The following PRDM5 variants were observed in gnomAD, a reference collection of about 807,000 sequenced individuals.
PRDM5 encodes PR domain zinc finger protein 5.
Under a neutral mutation model 81.2 loss-of-function variants are expected in PRDM5, and 56 were observed. The observed-to-expected ratio is 0.69, with a 90% CI of 0.56 to 0.86. The LOEUF (loss-of-function observed/expected upper bound fraction) is 0.86, where lower values mean the gene tolerates loss of function less well. PRDM5 is among the 40% of genes least tolerant of loss of function. The pLI is 0.00. For synonymous variants in PRDM5, 267 were observed against 256.4 expected, an observed-to-expected ratio of 1.04 and a Z score of -0.39; for missense variants, 697 against 770.1, an observed-to-expected ratio of 0.91 and a Z score of 1.12.
intron 3 of PRDM5, among the ~76,000 whole-genome samples, chr4:120,832,344 G>A (rs1756818754): frequency 6.6e-6 from 1 of 152,030 alleles, no homozygotes; most frequent in African/African-American, 2.4e-5. Flanking sequence ...CAGAGTAGGG[G>A]AAACTGTCCC....
At chr4:120,888,522 G>A (rs1225249502) in intron 2 of PRDM5, among the ~76,000 whole-genome samples, 4 of 152,032 alleles carry the variant, frequency 2.6e-5, no homozygotes, top group East Asian at 1.9e-4. Flanking sequence ...ACTAGTATAC[G>A]GACATTTGTG....
At chr4:120,896,438 A>G (rs1376041880) in intron 2 of PRDM5, 1 of 152,146 alleles carries the variant, frequency 6.6e-6, no homozygotes, top group East Asian at 1.9e-4. Context: ...TTCTAAAGAG[A>G]TAGCACAGCA....
At chr4:120,781,046 G>T in intron 12 of PRDM5, 97 bp downstream of exon 12, 1 of 1,048,798 alleles carries the variant, frequency 9.5e-7, no homozygotes, top group Non-Finnish European at 1.4e-6. Context: ...TAAATATTTT[G>T]ATAGATTAAT....
intron 2 of PRDM5, among the ~76,000 whole-genome samples, chr4:120,854,201 G>T (rs1759614184): frequency 6.6e-6 from 1 of 152,180 alleles, no homozygotes; most frequent in African/African-American, 2.4e-5. Context: ...ACTGGAGAGA[G>T]GAGGGGAGTA....
At chr4:120,911,799 G>A (rs1419418111) in intron 1 of PRDM5, among the ~76,000 whole-genome samples, 2 of 152,166 alleles carry the variant, frequency 1.3e-5, no homozygotes, top group East Asian at 1.9e-4. Context: ...AACAGGACAA[G>A]AGGATAACTG....
Position 120,729,142 on chromosome 4 carries a change from C to T in PRDM5, c.1624-18729G>A, listed in dbSNP as rs528739961. Reference sequence around the variant, plus strand: ...GAGCCTTGATGTTTCTCAGGATAAGCAGGTTTTTACTTCAGCATCAGCATG... The same window carrying T: ...GAGCCTTGATGTTTCTCAGGATAAGTAGGTTTTTACTTCAGCATCAGCATG... On this transcript the variant is annotated intron_variant, in intron 14 of 15. Transcript: ENST00000264808. 1.9e-3 allele frequency among the ~76,000 whole-genome samples: 286 copies of T among 152,212 alleles called. 1 individual carries two copies. Among genetic ancestry groups the T allele is most frequent in the Middle Eastern group, 6.8e-3 (2 of 294 alleles).
intron 2 of PRDM5, among the ~76,000 whole-genome samples, chr4:120,875,385 C>A (rs182195833): frequency 6.6e-6 from 1 of 152,350 alleles, no homozygotes; most frequent in African/African-American, 2.4e-5. Context: ...TCTGTCTGCA[C>A]TAGCTGTTGA....
At chr4:120,705,870 G>A (rs1295636074) in intron 15 of PRDM5, among the ~76,000 whole-genome samples, 6 of 152,084 alleles carry the variant, frequency 3.9e-5, no homozygotes, top group Non-Finnish European at 7.4e-5. Context: ...TATGAGAAAC[G>A]TTCAGACTCT....
intron 11 of PRDM5, among the ~76,000 whole-genome samples, chr4:120,781,504 T>A (rs915576421): frequency 1.3e-5 from 2 of 152,198 alleles, no homozygotes; most frequent in East Asian, 1.9e-4. Context: ...TCATCTTACA[T>A]CTTCAGTCTT....
At chr4:120,798,186 A>G in intron 10 of PRDM5, 81 bp downstream of exon 10, 2 of 1,142,804 alleles carry the variant, frequency 1.8e-6, no homozygotes, top group Non-Finnish European at 2.4e-6. Context: ...CCCCAGATGT[A>G]CAAAAGCTTT....
At chr4:120,835,157 T>C (rs1757193091) in intron 3 of PRDM5, among the ~76,000 whole-genome samples, 1 of 152,168 alleles carries the variant, frequency 6.6e-6, no homozygotes, top group African/African-American at 2.4e-5. Flanking sequence ...CATAATGCAA[T>C]AAAATACAGT....
intron 15 of PRDM5, among the ~76,000 whole-genome samples, chr4:120,704,834 C>T (rs1333881204): frequency 1.3e-5 from 2 of 151,992 alleles, no homozygotes; most frequent in East Asian, 3.9e-4. Flanking sequence ...AATGATATGA[C>T]AGGGAGGGGG....
intron 3 of PRDM5, among the ~76,000 whole-genome samples, chr4:120,834,691 G>A (rs1757136659): frequency 6.6e-6 from 1 of 152,128 alleles, no homozygotes; most frequent in African/African-American, 2.4e-5. Flanking sequence ...TATCAGTAGA[G>A]TAGACTCAGT....
chr4:120,870,763 G>A lies in PRDM5; in HGVS notation c.178-17223C>T, dbSNP rs568790328. Among the ~76,000 whole-genome samples, 6 of 152,302 alleles carry A rather than the reference G, an allele frequency of 3.9e-5. No individual in the cohort carries two copies. The East Asian group carries it at 9.7e-4, about 25-fold the overall frequency. Reference sequence around the variant, plus strand: ...GGGCTCCGTGTGACATTTGGTGGCAGTGTGGAGCGGACGGTAGCTCAGCAT... The same window carrying A: ...GGGCTCCGTGTGACATTTGGTGGCAATGTGGAGCGGACGGTAGCTCAGCAT... On this transcript the variant is annotated intron_variant, in intron 2 of 15. Coordinates refer to ENST00000264808, the MANE Select transcript of PRDM5 (RefSeq NM_018699.4).
intron 1 of PRDM5, among the ~76,000 whole-genome samples, chr4:120,910,916 T>G (rs1766429172): frequency 1.3e-5 from 2 of 152,184 alleles, no homozygotes. Flanking sequence ...GCTGAAGATT[T>G]CACACTAGCA....
chr4:120,744,137 C>A (rs1383471059), intron 14 of PRDM5, among the ~76,000 whole-genome samples: 2 of 152,074 alleles, frequency 1.3e-5, no homozygotes, highest in Non-Finnish European at 2.9e-5. Context: ...CACTCAAAAC[C>A]GCTCAACTAC....
At chr4:120,818,814 T>C (rs185864766) in intron 4 of PRDM5, among the ~76,000 whole-genome samples, 9 of 152,306 alleles carry the variant, frequency 5.9e-5, no homozygotes, top group Non-Finnish European at 7.4e-5. Flanking sequence ...CAGATCAAAA[T>C]GTTAAATTAG....
chr4:120,761,982 T>C (rs1745685974), intron 13 of PRDM5, among the ~76,000 whole-genome samples: 1 of 152,192 alleles, frequency 6.6e-6, no homozygotes, highest in Admixed American at 6.5e-5. Context: ...GTACAGCCAA[T>C]GTGCCCTATG....
intron 13 of PRDM5, among the ~76,000 whole-genome samples, chr4:120,759,678 C>T (rs1236144800): frequency 6.6e-6 from 1 of 152,278 alleles, no homozygotes; most frequent in Non-Finnish European, 1.5e-5. Flanking sequence ...TTAGTCAACT[C>T]TAAGAACACA....
Sources: gnomAD v4.1 joint callset for allele counts (sites outside exome capture counted in the v4.1 genomes callset) on GRCh38, gnomAD v4.1.1 for gene constraint, MANE v1.5 for transcripts, NCBI Gene and HGNC (gene_info 2026-07-23, HGNC 2026-07-21) for gene names.